MACROD2: variants seen among roughly 807,000 people sequenced by gnomAD.
MACROD2 encodes mono-ADP ribosylhydrolase 2.
A neutral mutation model predicts 70.4 loss-of-function variants in MACROD2; 36 were observed. The observed-to-expected ratio is 0.51, with a 90% confidence interval of 0.39 to 0.68. The LOEUF is 0.68. MACROD2 is among the 30% of genes least tolerant of loss of function. MACROD2 has a pLI of 0.00. For missense variants in MACROD2, 496 were observed against 538.4 expected (o/e 0.92, Z 0.78); for synonymous variants, 172 against 178.8 (o/e 0.96, Z 0.30).
intron 5 of MACROD2, among the ~76,000 whole-genome samples, chr20:14,698,416 T>A (rs1461481260): frequency 1.3e-5 from 2 of 152,132 alleles, no homozygotes; most frequent in Admixed American, 1.3e-4. Context: ...TGAGTTAATG[T>A]CTGTGTGGCA....
At chr20:15,736,248 T>G (rs2051018619) in intron 8 of MACROD2, among the ~76,000 whole-genome samples, 1 of 152,180 alleles carries the variant, frequency 6.6e-6, no homozygotes, top group African/African-American at 2.4e-5. Flanking sequence ...ACATCCACAC[T>G]CCAACAAGAA....
intron 5 of MACROD2, among the ~76,000 whole-genome samples, chr20:14,912,688 G>T (rs1430060671): frequency 6.6e-6 from 1 of 152,124 alleles, no homozygotes; most frequent in African/African-American, 2.4e-5. Context: ...TGAAGACTAA[G>T]GCATGAAGGA....
chr20:15,794,929 T>C (rs951681329), intron 8 of MACROD2, among the ~76,000 whole-genome samples: 11 of 152,138 alleles, frequency 7.2e-5, no homozygotes, highest in African/African-American at 2.7e-4. Context: ...CTAGTTCCTA[T>C]GAATGTTGAA....
chr20:14,427,642 T>C (rs752292197), intron 3 of MACROD2, among the ~76,000 whole-genome samples: 2 of 152,098 alleles, frequency 1.3e-5, no homozygotes, highest in Admixed American at 6.6e-5. Flanking sequence ...TGTCCTGTCA[T>C]GTAGTTTGGT....
intron 8 of MACROD2, among the ~76,000 whole-genome samples, chr20:15,599,988 AGAT>A (rs2146685914): frequency 6.6e-6 from 1 of 152,298 alleles, no homozygotes; most frequent in African/African-American, 2.4e-5. Context: ...AAGATCTCAA[AGAT>A]GATGAGAAAA....
intron 5 of MACROD2, among the ~76,000 whole-genome samples, chr20:14,818,825 GTT>G (rs754477468): frequency 5.1e-5 from 4 of 78,380 alleles, no homozygotes; most frequent in Admixed American, 1.4e-4. Context: ...TCTTCCTTAG[GTT>G]TTTTTTTTTT....
At chr20:14,950,988 G>C (rs559244898) in intron 5 of MACROD2, among the ~76,000 whole-genome samples, 2 of 152,124 alleles carry the variant, frequency 1.3e-5, no homozygotes, top group African/African-American at 4.8e-5. Context: ...TACTTCAAGT[G>C]TATCTTCTTT....
intron 5 of MACROD2, among the ~76,000 whole-genome samples, chr20:15,075,785 G>A (rs887720111): frequency 2.0e-5 from 3 of 152,084 alleles, no homozygotes; most frequent in Admixed American, 1.3e-4. Context: ...GCTTAGACTC[G>A]TCATGGCAGG....
rs35195419 is a variant in MACROD2 at position 15,188,636 on chromosome 20, A to T, written c.419-41304A>T. Reference sequence around the variant, plus strand: ...TGATGCCTCAAGTGCATTGCGAAACATTTATTATTCTGAGAGACTCAGGTG... The same window carrying T: ...TGATGCCTCAAGTGCATTGCGAAACTTTTATTATTCTGAGAGACTCAGGTG... On this transcript the variant is annotated intron_variant, in intron 5 of 17. Coordinates refer to ENST00000684519, the MANE Select transcript of MACROD2 (RefSeq NM_001351661.2). Among the ~76,000 whole-genome samples, 533 of 152,300 alleles carry T rather than the reference A, an allele frequency of 3.5e-3. 1 individual carries two copies. Among genetic ancestry groups the T allele is most frequent in the Admixed American group, 5.4e-3 (83 of 15,280 alleles).
intron 3 of MACROD2, among the ~76,000 whole-genome samples, chr20:14,489,727 G>A (rs547759366): frequency 7.2e-5 from 11 of 152,222 alleles, no homozygotes; most frequent in African/African-American, 2.4e-4. Flanking sequence ...AATGTTTAAA[G>A]ACTGGTTTCC....
chr20:15,024,988 G>T (rs1325540177), intron 5 of MACROD2, among the ~76,000 whole-genome samples: 1 of 152,028 alleles, frequency 6.6e-6, no homozygotes, highest in Admixed American at 6.6e-5. Context: ...ATCAAAAGAA[G>T]ATTTCTCACC....
intron 5 of MACROD2, among the ~76,000 whole-genome samples, chr20:14,829,103 C>T (rs745974692): frequency 5.3e-4 from 80 of 151,538 alleles, no homozygotes; most frequent in African/African-American, 1.6e-3. Context: ...CCCTGCTCCC[C>T]CGCCCCACAG....
intron 3 of MACROD2, among the ~76,000 whole-genome samples, chr20:14,382,884 A>G (rs1164278261): frequency 1.3e-5 from 2 of 151,068 alleles, no homozygotes; most frequent in East Asian, 1.9e-4. Context: ...TATCTTGCTT[A>G]AAAAAAATTG....
At chr20:14,527,374 G>A (rs1600343435) in intron 4 of MACROD2, among the ~76,000 whole-genome samples, 3 of 152,190 alleles carry the variant, frequency 2.0e-5, no homozygotes, top group Non-Finnish European at 1.5e-5. Context: ...CATACGGGTG[G>A]AACCCTAGCC....
chr20:16,047,222 G>A (rs922728334), intron 17 of MACROD2, among the ~76,000 whole-genome samples: 1 of 152,046 alleles, frequency 6.6e-6, no homozygotes, highest in Non-Finnish European at 1.5e-5. Flanking sequence ...ACAGAAAGAA[G>A]GAACCCTTGC....
chr20:15,210,552 G>GTTTTTTTTTTTTTTTTTTTGGTTTTTTT (rs11333280), intron 5 of MACROD2, among the ~76,000 whole-genome samples: 1 of 121,652 alleles, frequency 8.2e-6, no homozygotes, highest in Non-Finnish European at 1.7e-5. Context: ...CTTTTCTTCT[G>GTTTTTTTTTTTTTTTTTTTGGTTTTTTT]TTTTTTTTTT....
rs1004458679 is a variant in MACROD2, at chr20:14,112,223, G to C, written c.271+26495G>C. ...GCTACTAGAGGCTGGGAAGGGTAGT[G>C]GGGGGTTGGAGGGTAAGTGGGGATG... is the stretch of plus-strand genomic sequence containing the variant. On this transcript the variant is annotated intron_variant, in intron 3 of 17. Transcript: ENST00000684519. Among the ~76,000 whole-genome samples, 47 of 152,054 alleles carry C rather than the reference G, an allele frequency of 3.1e-4. 1 individual carries two copies. The South Asian group carries it at 3.7e-3, about 12-fold the overall frequency.
At chr20:14,918,613 T>A (rs999656546) in intron 5 of MACROD2, among the ~76,000 whole-genome samples, 3 of 146,860 alleles carry the variant, frequency 2.0e-5, no homozygotes, top group Non-Finnish European at 4.4e-5. Flanking sequence ...ACTGTGTTTT[T>A]TTTGTTTTTT....
intron 4 of MACROD2, among the ~76,000 whole-genome samples, chr20:14,523,865 C>A (rs1273160483): frequency 1.3e-5 from 2 of 152,164 alleles, no homozygotes; most frequent in African/African-American, 4.8e-5. Context: ...AAGAGTCCAG[C>A]GAATGGTATT....
Sources: allele counts gnomAD v4.1 joint callset (sites outside exome capture counted in the v4.1 genomes callset), GRCh38; gene constraint gnomAD v4.1.1; transcripts MANE v1.5; gene names NCBI Gene and HGNC (gene_info 2026-07-23, HGNC 2026-07-21).